PITPNM2: variants seen among roughly 807,000 people sequenced by gnomAD.
PITPNM2 encodes phosphatidylinositol transfer protein membrane associated 2.
Under a neutral mutation model 132.2 loss-of-function variants are expected in PITPNM2, and 35 were observed. The observed-to-expected ratio is 0.26, with a 90% confidence interval of 0.20 to 0.35. PITPNM2 has a LOEUF of 0.35. PITPNM2 is among the 10% of genes least tolerant of loss of function. PITPNM2 has a pLI of 1.00. For missense variants in PITPNM2, 1,332 were observed against 1,912.0 expected, an observed-to-expected ratio of 0.70 and a Z score of 5.66; for synonymous variants, 738 against 799.2, an observed-to-expected ratio of 0.92 and a Z score of 1.29.
At chr12:123,090,940 T>G (rs2042244186) in intron 2 of PITPNM2, 1 of 152,328 alleles carries the variant, frequency 6.6e-6, no homozygotes, top group African/African-American at 2.4e-5. Context: ...GTACCCGCAC[T>G]GACCTGAGCC....
In PITPNM2 at chr12:122,995,582, C is replaced by G; in HGVS notation, c.1861G>C (p.Gly621Arg). 6.3e-7 allele frequency: 1 copy of G among 1,579,672 alleles called. No individual in the cohort carries two copies. The highest frequency in any genetic ancestry group is 1.8e-5 in the African/African-American group (1 of 54,710). ...CGGGGGGGGGGGSSGGGGSSG... is the reference protein window; with the variant it reads ...CGGGGGGGGGRGSSGGGGSSG... Reference sequence around the variant, plus strand: ...CTGCCACCACCACCACTGCTGCCACCACCGCCACCGCCGCCACCGCCACCA... The same window carrying G: ...CTGCCACCACCACCACTGCTGCCACGACCGCCACCGCCGCCACCGCCACCA... The change falls in exon 14 of 26, where the codon GGT (glycine) becomes CGT (arginine). Residue 621 changes from glycine (G) to arginine (R), a missense_variant. By Grantham distance (125) the Gly-to-Arg change is moderately radical. This residue lies in a region of PITPNM2 where 710 missense variants were observed against 911.5 expected (regional missense o/e 0.78). Coordinates refer to ENST00000320201, the MANE Select transcript of PITPNM2 (RefSeq NM_020845.3).
At chr12:123,037,887 C>T (rs1215119454) in intron 2 of PITPNM2, among the ~76,000 whole-genome samples, 2 of 152,250 alleles carry the variant, frequency 1.3e-5, no homozygotes, top group Non-Finnish European at 2.9e-5. Flanking sequence ...GGAACAGATA[C>T]CTAATGATGT....
At position 122,985,932 on chromosome 12, in the gene PITPNM2, G is replaced by T; in HGVS notation, c.*95C>A. 8.6e-7 allele frequency: 1 copy of T among 1,161,870 alleles called. No homozygotes were observed. The highest frequency in any genetic ancestry group is 1.1e-6 in the Non-Finnish European group (1 of 890,124). 72.0% of individuals were successfully genotyped at this position (1,161,870 alleles called of 1,614,324 possible). A position where few individuals can be genotyped will look rare whatever the true frequency, so the allele number is the denominator to read the frequency against. ...ACAAGGCCCTGGGACAATCTCCCAG[G>T]CCCACGTCAGTGCGTGTGCCCAGGC... On this transcript the variant is annotated 3_prime_UTR_variant, in exon 26 of 26. Transcript: ENST00000320201.
At chr12:123,101,554 C>A (rs1247807480) in intron 2 of PITPNM2, among the ~76,000 whole-genome samples, 3 of 152,200 alleles carry the variant, frequency 2.0e-5, no homozygotes, top group Non-Finnish European at 1.5e-5. Flanking sequence ...CCAAGCCCCT[C>A]AAAGCACAAA....
intron 2 of PITPNM2, among the ~76,000 whole-genome samples, chr12:123,085,419 G>T (rs540519202): frequency 4.1e-4 from 63 of 152,098 alleles, no homozygotes; most frequent in Admixed American, 2.6e-3. Flanking sequence ...AGACACAAAA[G>T]GCCACATATT....
Position 123,013,967 on chromosome 12 carries a change from G to A in PITPNM2, c.154C>T (p.Pro52Ser), listed in dbSNP as rs2136264121. 1 of 1,614,244 alleles carries A rather than the reference G, an allele frequency of 6.2e-7. No homozygotes were observed. ...TGTGTGTACTGCCCAGAGCCGCCTG[G>A]GCCATCTGTGTACGGCCGGTTCTCC... ...ILENRPYTDGPGGSGQYTHKV... is the reference protein window; with the variant it reads ...ILENRPYTDGSGGSGQYTHKV... Residue 52 changes from proline (P) to serine (S), a missense_variant, in exon 4 of 26, where the codon CCA (proline) becomes TCA (serine). Coordinates refer to ENST00000320201, the MANE Select transcript of PITPNM2 (RefSeq NM_020845.3).
rs550161476 is a variant in PITPNM2 at position 123,082,190 on chromosome 12, T to C, written c.-96+28195A>G. Among the ~76,000 whole-genome samples the C allele has an allele frequency of 6.6e-6, 1 of 152,204 alleles. No individual in the cohort carries two copies. Among genetic ancestry groups the C allele is most frequent in the Non-Finnish European group, 1.5e-5 (1 of 68,030 alleles). Reference sequence around the variant, plus strand: ...CCACCTCTCCGCCCTGGCAAGGCCGTGGGCAAGTTCCTGCCTTGGGGCATC... The same window carrying C: ...CCACCTCTCCGCCCTGGCAAGGCCGCGGGCAAGTTCCTGCCTTGGGGCATC... On this transcript the variant is annotated intron_variant, in intron 2 of 25. Coordinates refer to ENST00000320201, the MANE Select transcript of PITPNM2 (RefSeq NM_020845.3). This position sits in a 1 kb window ranked among gnomAD's most constrained non-coding sequence, Gnocchi z 5.4.
At position 123,150,750 on chromosome 12, in the gene PITPNM2, C is replaced by T. The variant is rs1430381543; in HGVS notation, c.-200+3G>A. ...TGCGGAGCGGCCGCCCGGACGCACTCACCCCGCTCGGCGCGGCCGCGGGCT... is the reference window on the plus strand; with the variant it reads ...TGCGGAGCGGCCGCCCGGACGCACTTACCCCGCTCGGCGCGGCCGCGGGCT... On this transcript the variant is annotated splice_donor_region_variant and intron_variant, in intron 1 of 25. Transcript: ENST00000320201. The surrounding 1 kb of genome is among the most constrained non-coding windows in gnomAD (Gnocchi z 6.0). 1.3e-5 allele frequency among the ~76,000 whole-genome samples: 2 copies of T among 150,252 alleles called. No homozygotes were observed. Among genetic ancestry groups the T allele is most frequent in the East Asian group, 2.0e-4 (1 of 5,106 alleles).
intron 1 of PITPNM2, among the ~76,000 whole-genome samples, chr12:123,112,339 C>G (rs544860391): frequency 9.2e-5 from 14 of 152,112 alleles, no homozygotes; most frequent in Admixed American, 2.6e-4. Flanking sequence ...TGTCCACTGC[C>G]CTAAGGGGAC....
chr12:123,039,145 G>A (rs901196145), intron 2 of PITPNM2, among the ~76,000 whole-genome samples: 7 of 152,168 alleles, frequency 4.6e-5, no homozygotes, highest in Non-Finnish European at 7.3e-5. Context: ...CGGCCGGGCT[G>A]CATCCTGGGG....
intron 3 of PITPNM2, chr12:123,021,682 T>C (rs2039676891): frequency 1.0e-6 from 1 of 985,374 alleles, no homozygotes; most frequent in Admixed American, 6.1e-5. Flanking sequence ...GGAGTTTACC[T>C]TCAGCTATCA....
chr12:123,128,504 A>G (rs943502314), intron 1 of PITPNM2, among the ~76,000 whole-genome samples: 1 of 150,586 alleles, frequency 6.6e-6, no homozygotes, highest in Non-Finnish European at 1.5e-5. Flanking sequence ...CTGTAATCTC[A>G]GCACTTTGGG....
intron 1 of PITPNM2, among the ~76,000 whole-genome samples, chr12:123,135,842 C>T (rs1339622829): frequency 4.6e-5 from 7 of 152,272 alleles, no homozygotes; most frequent in East Asian, 1.9e-4. Flanking sequence ...ACTGCAAGCC[C>T]GTGCCACCCT....
At chr12:123,060,620 AGCCAGAAGAAAACT>A (rs1316442904) in intron 2 of PITPNM2, among the ~76,000 whole-genome samples, 3 of 152,240 alleles carry the variant, frequency 2.0e-5, no homozygotes, top group Non-Finnish European at 2.9e-5. Context: ...TCAACAAAAG[AGCCAGAAGAAAACT>A]GCACTCCTAT....
Position 122,989,865 on chromosome 12 carries a change from C to A in PITPNM2, c.2653G>T (p.Gly885Cys). The change falls in exon 18 of 26, where the codon GGC becomes TGC. Residue 885 changes from glycine (G) to cysteine (C), a missense_variant. This residue lies in a region of PITPNM2 where 710 missense variants were observed against 911.5 expected (regional missense o/e 0.78). Coordinates refer to ENST00000320201, the MANE Select transcript of PITPNM2 (RefSeq NM_020845.3). ...ALPAPSPTTP[G>C]PHPPARKASP... ...GCCTTCCTGGCTGGAGGGTGGGGGC[C>A]AGGGGTGGTGGGGCTGGGGGCGGGC... 1.9e-6 allele frequency: 2 copies of A among 1,063,034 alleles called. No individual in the cohort carries two copies. The highest frequency in any genetic ancestry group is 1.8e-5 in the African/African-American group (1 of 55,412). The allele number at this position is 1,063,034 out of a possible 1,614,324, so 65.9% of individuals were successfully genotyped here.
chr12:123,093,586 C>T (rs1055768504), intron 2 of PITPNM2, among the ~76,000 whole-genome samples: 12 of 152,156 alleles, frequency 7.9e-5, no homozygotes, highest in African/African-American at 1.2e-4. Context: ...TCCTGCCACT[C>T]GGCAGCCCCT....
Position 122,994,688 on chromosome 12 carries a change from A to G in PITPNM2, c.2233+113T>C. 1 of 1,205,796 alleles carries G rather than the reference A, an allele frequency of 8.3e-7. No individual in the cohort carries two copies. Among genetic ancestry groups the G allele is most frequent in the Non-Finnish European group, 1.1e-6 (1 of 894,278 alleles). 74.7% of individuals were successfully genotyped at this position (1,205,796 alleles called of 1,614,324 possible). A position where few individuals can be genotyped will look rare whatever the true frequency, so the allele number is the denominator to read the frequency against. Reference sequence around the variant, plus strand: ...GCCCTTGGTGGGGAAGACAGGAAGGAGGGCAGAAACAGGCCTGGGACGTGG... The same window carrying G: ...GCCCTTGGTGGGGAAGACAGGAAGGGGGGCAGAAACAGGCCTGGGACGTGG... On this transcript the variant is annotated intron_variant, in intron 15 of 25. Transcript: ENST00000320201. This position sits in a 1 kb window ranked among gnomAD's most constrained non-coding sequence, Gnocchi z 5.4.
At chr12:123,142,221 G>T (rs1406502560) in intron 1 of PITPNM2, among the ~76,000 whole-genome samples, 1 of 152,156 alleles carries the variant, frequency 6.6e-6, no homozygotes, top group Admixed American at 6.5e-5. Flanking sequence ...CATACTAATG[G>T]CAAGAATCCG....
intron 13 of PITPNM2, 68 bp downstream of exon 13, chr12:122,996,390 G>A: frequency 2.5e-6 from 4 of 1,583,640 alleles, no homozygotes; most frequent in Non-Finnish European, 3.4e-6. Context: ...GAACAGGCAG[G>A]GCAGCCACCC....
Sources: allele counts gnomAD v4.1 joint callset (sites outside exome capture counted in the v4.1 genomes callset), GRCh38; gene constraint gnomAD v4.1.1; regional missense constraint gnomAD v4.1.1; non-coding constraint Gnocchi (gnomAD v3.1); transcripts MANE v1.5; gene names NCBI Gene and HGNC (gene_info 2026-07-23, HGNC 2026-07-21).